The following ASCC3 variants were observed in gnomAD, a reference collection of about 807,000 sequenced individuals.
ASCC3 encodes ASC-1 complex subunit P200.
ASCC3 carries 158 observed loss-of-function variants against 256.3 expected under a neutral mutation model. That is an observed-to-expected ratio of 0.62 (90% CI 0.54 to 0.70). The LOEUF (loss-of-function observed/expected upper bound fraction) is 0.70, where lower values mean the gene tolerates loss of function less well. Ranked by LOEUF, ASCC3 falls within the 30% of genes least tolerant of loss-of-function variation. ASCC3 has a pLI of 0.00. For synonymous variants in ASCC3, 948 were observed against 883.4 expected, an observed-to-expected ratio of 1.07 and a Z score of -1.30; for missense variants, 2,259 against 2,626.0, an observed-to-expected ratio of 0.86 and a Z score of 3.05.
chr6:100,527,379 A>T (rs573012456), intron 37 of ASCC3, among the ~76,000 whole-genome samples: 1 of 152,342 alleles, frequency 6.6e-6, no homozygotes, highest in East Asian at 1.9e-4. Context: ...ACAAGACTTT[A>T]TCTACCATTT....
chr6:100,826,254 C>G (rs1222522084), intron 4 of ASCC3, among the ~76,000 whole-genome samples: 1 of 151,992 alleles, frequency 6.6e-6, no homozygotes, highest in East Asian at 1.9e-4. Context: ...GCCTTAGCCT[C>G]CTGAGTAGCT....
chr6:100,546,440 G>A (rs137925309), intron 36 of ASCC3, among the ~76,000 whole-genome samples: 2 of 152,186 alleles, frequency 1.3e-5, no homozygotes, highest in South Asian at 2.1e-4. Flanking sequence ...AAAGACCAAC[G>A]TTGAAGAGCT....
rs367706310 is a variant in ASCC3, at chr6:100,630,471, A to AT, written c.4208+656dup. On this transcript the variant is annotated intron_variant, in intron 26 of 41. Coordinates refer to ENST00000369162, the MANE Select transcript of ASCC3 (RefSeq NM_006828.4). ...AAAAAACATGAGCTAGGATACTTAT[A>AT]TTTTTTTTTTGTTTTTTTTTTTTAC... is the stretch of plus-strand genomic sequence containing the variant. Among the ~76,000 whole-genome samples the AT allele has an allele frequency of 9.7e-3, 1,409 of 144,820 alleles. 14 individuals are homozygous for AT. Among genetic ancestry groups the AT allele is most frequent in the African/African-American group, 0.031 (1,204 of 39,420 alleles).
At chr6:100,858,309 C>T (rs1000563405) in intron 3 of ASCC3, 1 of 367,216 alleles carries the variant, frequency 2.7e-6, no homozygotes, top group African/African-American at 2.2e-5. Flanking sequence ...AGTCTTTATG[C>T]CCTTACTTTT....
intron 1 of ASCC3, among the ~76,000 whole-genome samples, chr6:100,877,776 G>A (rs773574820): frequency 6.6e-6 from 1 of 152,194 alleles, no homozygotes; most frequent in Non-Finnish European, 1.5e-5. Context: ...CAGAGTGAAT[G>A]GGGGATGGGC....
At chr6:100,697,406 C>T (rs963515082) in intron 13 of ASCC3, among the ~76,000 whole-genome samples, 1 of 109,222 alleles carries the variant, frequency 9.2e-6, no homozygotes, top group Non-Finnish European at 1.8e-5. Flanking sequence ...GCAATTTATA[C>T]TGAGACACAC....
intron 36 of ASCC3, among the ~76,000 whole-genome samples, chr6:100,574,017 A>G (rs1026161136): frequency 2.0e-5 from 3 of 152,066 alleles, no homozygotes; most frequent in Admixed American, 2.0e-4. Flanking sequence ...TGAAGGTAGA[A>G]CTAAACACTT....
chr6:100,767,242 G>C lies in ASCC3; in HGVS notation c.1499C>G (p.Pro500Arg). The C allele has an allele frequency of 6.2e-7, 1 of 1,613,978 alleles. No individual in the cohort carries two copies. The highest frequency in any genetic ancestry group is 8.5e-7 in the Non-Finnish European group (1 of 1,179,982). ...NTNENMLICA[P>R]TGAGKTNIAM... ...AATGTTGGTTTTTCCAGCTCCTGTA[G>C]GGGCACAAATCAGCATGTTCTCATT... Residue 500 changes from proline (P) to arginine (R), a missense_variant, in exon 9 of 42, where the codon CCT becomes CGT. Transcript: ENST00000369162.
At chr6:100,532,368 G>GTA (rs1313119497) in intron 37 of ASCC3, among the ~76,000 whole-genome samples, 9 of 116,910 alleles carry the variant, frequency 7.7e-5, no homozygotes, top group African/African-American at 2.2e-4. Context: ...GTGTGTGTGT[G>GTA]TGTATGTGTG....
chr6:100,726,235 T>G (rs1372132237), intron 10 of ASCC3, among the ~76,000 whole-genome samples: 1 of 151,892 alleles, frequency 6.6e-6, no homozygotes, highest in Non-Finnish European at 1.5e-5. Context: ...GCCCATATGT[T>G]GTAAAACAAA....
Position 100,875,119 on chromosome 6 carries a change from C to T in ASCC3, c.-42+5942G>A, listed in dbSNP as rs117631534. On this transcript the variant is annotated intron_variant, in intron 1 of 41. Coordinates refer to ENST00000369162, the MANE Select transcript of ASCC3 (RefSeq NM_006828.4). ...TGGGGTCAAACAGGACACAGGCAAA[C>T]CAGTTGGGAAGTTATTTCAATAAAC... Among the ~76,000 whole-genome samples, 188 of 152,094 alleles carry T rather than the reference C, an allele frequency of 1.2e-3. 1 individual carries two copies. The highest frequency in any genetic ancestry group is 6.8e-3 in the Middle Eastern group (2 of 292).
At chr6:100,859,779 T>G (rs1328427927) in intron 3 of ASCC3, among the ~76,000 whole-genome samples, 1 of 152,004 alleles carries the variant, frequency 6.6e-6, no homozygotes, top group Non-Finnish European at 1.5e-5. Context: ...CTCATATAAA[T>G]CAGGGCTTAT....
At chr6:100,661,744 T>C (rs1325474442) in intron 16 of ASCC3, 62 bp downstream of exon 16, 7 of 1,527,212 alleles carry the variant, frequency 4.6e-6, no homozygotes, top group South Asian at 3.4e-5. Flanking sequence ...TCAATCTTCA[T>C]CTTTCTTGGT....
chr6:100,856,716 AAT>A (rs1772960046), intron 3 of ASCC3: 2 of 152,110 alleles, frequency 1.3e-5, no homozygotes, highest in African/African-American at 2.4e-5. Context: ...GTTTCATATT[AAT>A]GGAATCATAA....
chr6:100,859,621 C>A (rs1376232130), intron 3 of ASCC3, among the ~76,000 whole-genome samples: 2 of 151,956 alleles, frequency 1.3e-5, no homozygotes, highest in African/African-American at 2.4e-5. Context: ...ACAGCAAAAT[C>A]TTACTTCCTT....
Position 100,558,356 on chromosome 6 carries a change from G to A in ASCC3, c.5551-17969C>T, listed in dbSNP as rs950481653. ...AAATGGGTGACCCTCAAATTTCTGA[G>A]TAATTCTTATGAATATTCTAATTCT... On this transcript the variant is annotated intron_variant, in intron 36 of 41. Transcript: ENST00000369162. Among the ~76,000 whole-genome samples the A allele has an allele frequency of 6.6e-5, 10 of 152,076 alleles. No homozygotes were observed. In the South Asian group the frequency reaches 2.1e-3, roughly 31 times the overall value.
At chr6:100,750,359 G>A (rs550772127) in intron 10 of ASCC3, among the ~76,000 whole-genome samples, 1 of 151,958 alleles carries the variant, frequency 6.6e-6, no homozygotes, top group Admixed American at 6.6e-5. Context: ...TTATGTTTTT[G>A]TGGATGCCTT....
At chr6:100,697,890 G>A (rs1466048421) in intron 13 of ASCC3, among the ~76,000 whole-genome samples, 1 of 152,010 alleles carries the variant, frequency 6.6e-6, no homozygotes, top group Non-Finnish European at 1.5e-5. Context: ...AAAGAAGTTG[G>A]GAATAGGTCT....
At chr6:100,532,401 TATA>T (rs1252248522) in intron 37 of ASCC3, among the ~76,000 whole-genome samples, 168 of 48,288 alleles carry the variant, frequency 3.5e-3, no homozygotes, top group Non-Finnish European at 5.5e-3. Context: ...TATATATATA[TATA>T]TATTTTTTTT....
Sources: allele counts gnomAD v4.1 joint callset (sites outside exome capture counted in the v4.1 genomes callset), GRCh38; gene constraint gnomAD v4.1.1; transcripts MANE v1.5; gene names NCBI Gene and HGNC (gene_info 2026-07-23, HGNC 2026-07-21).